CEP89: variants seen among roughly 807,000 people sequenced by gnomAD.
CEP89 encodes centrosomal protein of 89 kDa.
In CEP89, 95 loss-of-function variants were observed where a neutral mutation model predicts 97.6. That is an observed-to-expected ratio of 0.97 (90% CI 0.82 to 1.15). CEP89 has a LOEUF of 1.15. Among genes scored for constraint, CEP89 ranks in the 50% most tolerant of loss-of-function variants. CEP89 has a pLI of 0.00. For missense variants in CEP89, 869 were observed against 947.7 expected (o/e 0.92, Z 1.09); for synonymous variants, 354 against 349.1 (o/e 1.01, Z -0.16).
chr19:32,895,403 G>A lies in CEP89; in HGVS notation c.1875+4454C>T, dbSNP rs553653703. 4.1e-4 allele frequency among the ~76,000 whole-genome samples: 62 copies of A among 152,106 alleles called. No individual in the cohort carries two copies. The South Asian group carries it at 0.012, about 31-fold the overall frequency. On this transcript the variant is annotated intron_variant, in intron 16 of 18. Coordinates refer to ENST00000305768, the MANE Select transcript of CEP89 (RefSeq NM_032816.5). ...ACACCAATGGAAACAGAAAAAAATTGGATAAAAATTCAACATCCTTCGTGA... is the reference window on the plus strand; with the variant it reads ...ACACCAATGGAAACAGAAAAAAATTAGATAAAAATTCAACATCCTTCGTGA...
In CEP89 at chr19:32,937,662, A is replaced by G. The variant is rs768411878; in HGVS notation, c.636T>C (p.Pro212=). The G allele has an allele frequency of 6.2e-7, 1 of 1,606,168 alleles. No individual in the cohort carries two copies. Residue 212 remains proline (P), a synonymous_variant, in exon 7 of 19, where the codon CCT becomes CCC. Transcript: ENST00000305768. ...HPVLNLKDEK[P]PLCEKPPPSP... is the part of the protein sequence containing the mutation. Reference sequence around the variant, plus strand: ...AGGGTGGAGGTTTCTCACATAATGGAGGTTTTTCATCCTAGGAAAGAAAGA... The same window carrying G: ...AGGGTGGAGGTTTCTCACATAATGGGGGTTTTTCATCCTAGGAAAGAAAGA...
chr19:32,920,104 C>T (rs1762183285), intron 12 of CEP89, among the ~76,000 whole-genome samples: 1 of 152,202 alleles, frequency 6.6e-6, no homozygotes, highest in Non-Finnish European at 1.5e-5. Context: ...GTGGCGCCAT[C>T]AGAGCTCACT....
At chr19:32,965,077 T>C (rs1971252779) in intron 2 of CEP89, among the ~76,000 whole-genome samples, 1 of 152,078 alleles carries the variant, frequency 6.6e-6, no homozygotes, top group African/African-American at 2.4e-5. Context: ...AGATAATTTA[T>C]TTTCTTTTGA....
chr19:32,923,073 TG>T (rs1416888138), intron 12 of CEP89, among the ~76,000 whole-genome samples: 2 of 152,138 alleles, frequency 1.3e-5, no homozygotes, highest in Non-Finnish European at 2.9e-5. Flanking sequence ...CTTTCTGTTT[TG>T]GGAGGCCATT....
chr19:32,900,908 C>T (rs1258651835), intron 15 of CEP89, among the ~76,000 whole-genome samples: 1 of 92,442 alleles, frequency 1.1e-5, no homozygotes, highest in East Asian at 6.7e-4. Context: ...TTTTTTGAGA[C>T]AGGGTCTCAC....
chr19:32,940,017 C>T, intron 5 of CEP89, 132 bp from the exon 6 acceptor site: 1 of 510,306 alleles, frequency 2.0e-6, no homozygotes, highest in Non-Finnish European at 3.6e-6. Flanking sequence ...ATAAAATTCA[C>T]AGGGTCACAG....
Position 32,880,145 on chromosome 19 carries a change from C to T in CEP89, c.2136-767G>A, listed in dbSNP as rs528631291. 2.1e-3 allele frequency among the ~76,000 whole-genome samples: 317 copies of T among 152,320 alleles called. 1 individual carries two copies. Among genetic ancestry groups the T allele is most frequent in the Non-Finnish European group, 3.7e-3 (251 of 68,040 alleles). On this transcript the variant is annotated intron_variant, in intron 18 of 18. Coordinates refer to ENST00000305768, the MANE Select transcript of CEP89 (RefSeq NM_032816.5). Reference sequence around the variant, plus strand: ...AGGGCCACAGTCCACTGGGAATAGACCAGGACACGAGCCACACCTCACAAG... The same window carrying T: ...AGGGCCACAGTCCACTGGGAATAGATCAGGACACGAGCCACACCTCACAAG...
intron 17 of CEP89, among the ~76,000 whole-genome samples, chr19:32,887,219 G>T (rs555777728): frequency 3.8e-4 from 58 of 151,372 alleles, no homozygotes; most frequent in Non-Finnish European, 7.2e-4. Flanking sequence ...GTTTTGTTTT[G>T]GTTTTGGTTT....
intron 4 of CEP89, among the ~76,000 whole-genome samples, chr19:32,952,903 CAA>C (rs34455504): frequency 1.4e-3 from 68 of 48,768 alleles, no homozygotes; most frequent in Non-Finnish European, 2.0e-3. Context: ...GACTCTGTCT[CAA>C]AAAAAAAAAA....
intron 2 of CEP89, among the ~76,000 whole-genome samples, chr19:32,965,070 T>C (rs1246912945): frequency 2.0e-5 from 3 of 152,080 alleles, no homozygotes; most frequent in African/African-American, 7.2e-5. Context: ...CATGCTCAGA[T>C]AATTTATTTT....
chr19:32,896,615 G>A (rs1969647362), intron 16 of CEP89, among the ~76,000 whole-genome samples: 1 of 151,850 alleles, frequency 6.6e-6, no homozygotes, highest in Non-Finnish European at 1.5e-5. Flanking sequence ...ATAGACAAAT[G>A]GAACTATATT....
At chr19:32,914,854 T>C (rs939351831) in intron 14 of CEP89, among the ~76,000 whole-genome samples, 3 of 151,944 alleles carry the variant, frequency 2.0e-5, no homozygotes, top group Non-Finnish European at 2.9e-5. Flanking sequence ...AAACCCCGTC[T>C]CTACCAAAAA....
intron 14 of CEP89, among the ~76,000 whole-genome samples, chr19:32,911,092 G>A (rs1479074256): frequency 6.6e-6 from 1 of 152,188 alleles, no homozygotes; most frequent in African/African-American, 2.4e-5. Flanking sequence ...CCACAAACAC[G>A]AGAGTAATGC....
intron 12 of CEP89, among the ~76,000 whole-genome samples, chr19:32,920,373 C>A (rs1970223011): frequency 1.3e-5 from 2 of 152,128 alleles, no homozygotes; most frequent in Non-Finnish European, 1.5e-5. Flanking sequence ...AACCACTAAG[C>A]CTGAGCCATT....
chr19:32,889,132 C>T (rs111290875), intron 16 of CEP89, among the ~76,000 whole-genome samples: 3 of 152,270 alleles, frequency 2.0e-5, no homozygotes, highest in African/African-American at 7.2e-5. Flanking sequence ...GAGTACGTGG[C>T]TCAGTCCTAG....
chr19:32,944,236 A>AAAAAAAAAAAAAAAAAAAAAAAAAAAC (rs1970749497), intron 5 of CEP89, among the ~76,000 whole-genome samples: 1 of 123,904 alleles, frequency 8.1e-6, no homozygotes, highest in Non-Finnish European at 1.7e-5. Context: ...AAAAAAAAAA[A>AAAAAAAAAAAAAAAAAAAAAAAAAAAC]AGACTCTTCT....
intron 9 of CEP89, among the ~76,000 whole-genome samples, chr19:32,928,356 C>CCCTT (rs1229640804): frequency 6.6e-6 from 1 of 151,910 alleles, no homozygotes; most frequent in Non-Finnish European, 1.5e-5. Flanking sequence ...TTTCCTTCCG[C>CCCTT]CCTTCCTTCC....
chr19:32,897,098 G>C (rs1164701357), intron 16 of CEP89, among the ~76,000 whole-genome samples: 1 of 152,170 alleles, frequency 6.6e-6, no homozygotes, highest in African/African-American at 2.4e-5. Context: ...CACAAAGTTT[G>C]AGGACAGGCC....
At position 32,938,802 on chromosome 19, in the gene CEP89, T is replaced by C. The variant is rs146336829; in HGVS notation, c.624+1055A>G. Among the ~76,000 whole-genome samples, 350 of 151,966 alleles carry C rather than the reference T, an allele frequency of 2.3e-3. 1 individual carries two copies. Among genetic ancestry groups the C allele is most frequent in the African/African-American group, 8.2e-3 (339 of 41,428 alleles). ...TCATCTCCATTAAAAATACAAAAAT[T>C]AGCTGGGCATGGTGGCATGCACCTG... On this transcript the variant is annotated intron_variant, in intron 6 of 18. Transcript: ENST00000305768.
Sources: gnomAD v4.1 joint callset for allele counts (sites outside exome capture counted in the v4.1 genomes callset) on GRCh38, gnomAD v4.1.1 for gene constraint, MANE v1.5 for transcripts, NCBI Gene and HGNC (gene_info 2026-07-23, HGNC 2026-07-21) for gene names.